The following SH3RF1 variants were observed in gnomAD, a reference collection of about 807,000 sequenced individuals.
SH3RF1 encodes E3 ubiquitin-protein ligase SH3RF1.
In SH3RF1, 32 loss-of-function variants were observed where a neutral mutation model predicts 74.0. That is an observed-to-expected ratio of 0.43 (90% CI 0.33 to 0.58). The LOEUF (loss-of-function observed/expected upper bound fraction) is 0.58, where lower values mean the gene tolerates loss of function less well. Ranked by LOEUF, SH3RF1 falls within the 20% of genes least tolerant of loss-of-function variation. The pLI is 0.05. For missense variants in SH3RF1, 954 were observed against 1,130.9 expected, an observed-to-expected ratio of 0.84 and a Z score of 2.24; for synonymous variants, 396 against 439.6, an observed-to-expected ratio of 0.90 and a Z score of 1.24.
At chr4:169,155,352 A>G (rs1249391709) in intron 4 of SH3RF1, 128 bp downstream of exon 4, 9 of 666,508 alleles carry the variant, frequency 1.4e-5, no homozygotes, top group Non-Finnish European at 2.4e-5. Context: ...TGATCTGTCC[A>G]GTGATCTGTA....
intron 9 of SH3RF1, 47 bp from the exon 10 acceptor site, chr4:169,116,677 G>T: frequency 6.7e-7 from 1 of 1,499,562 alleles, no homozygotes; most frequent in South Asian, 1.4e-5. Flanking sequence ...CTATCTAATA[G>T]ATGCTGCTCA....
At chr4:169,246,077 C>T (rs1730990552) in intron 2 of SH3RF1, among the ~76,000 whole-genome samples, 1 of 152,168 alleles carries the variant, frequency 6.6e-6, no homozygotes, top group African/African-American at 2.4e-5. Flanking sequence ...TACAGAAGCC[C>T]AGATGATACT....
intron 11 of SH3RF1, among the ~76,000 whole-genome samples, chr4:169,106,619 T>A (rs1733143312): frequency 6.6e-6 from 1 of 150,606 alleles, no homozygotes; most frequent in African/African-American, 2.5e-5. Flanking sequence ...GTAGAGAAAA[T>A]AAAGGAAAAG....
chr4:169,148,271 C>T (rs2126960804), intron 4 of SH3RF1, among the ~76,000 whole-genome samples: 1 of 152,278 alleles, frequency 6.6e-6, no homozygotes, highest in East Asian at 1.9e-4. Flanking sequence ...AGAGTGGAGG[C>T]CACGATTCCT....
At chr4:169,215,775 T>C (rs1455385449) in intron 2 of SH3RF1, among the ~76,000 whole-genome samples, 1 of 152,104 alleles carries the variant, frequency 6.6e-6, no homozygotes, top group African/African-American at 2.4e-5. Context: ...ATGTATTTTT[T>C]GTTTTTTTTT....
At chr4:169,269,386 A>G (rs1731408322) in intron 1 of SH3RF1, 79 bp from the exon 2 acceptor site, 2 of 650,412 alleles carry the variant, frequency 3.1e-6, no homozygotes, top group Admixed American at 6.9e-5. Flanking sequence ...GCCAAGAATC[A>G]AAAAGTACCC....
At chr4:169,132,980 A>C (rs1733643435) in intron 5 of SH3RF1, among the ~76,000 whole-genome samples, 1 of 152,206 alleles carries the variant, frequency 6.6e-6, no homozygotes, top group Non-Finnish European at 1.5e-5. Context: ...TTGAAAGTTC[A>C]GCCATCACTC....
intron 2 of SH3RF1, among the ~76,000 whole-genome samples, chr4:169,254,522 G>A (rs568945978): frequency 2.0e-5 from 3 of 152,252 alleles, no homozygotes; most frequent in Admixed American, 6.5e-5. Flanking sequence ...GCCAATTGCT[G>A]ACACTATCGT....
At chr4:169,140,374 C>T (rs1733764725) in intron 4 of SH3RF1, among the ~76,000 whole-genome samples, 1 of 152,138 alleles carries the variant, frequency 6.6e-6, no homozygotes, top group African/African-American at 2.4e-5. Flanking sequence ...TCATCACCTG[C>T]AAAATAAATT....
At chr4:169,106,786 G>T in intron 11 of SH3RF1, 61 bp downstream of exon 11, 1 of 1,305,012 alleles carries the variant, frequency 7.7e-7, no homozygotes, top group Non-Finnish European at 1.1e-6. Flanking sequence ...TCACAATAAT[G>T]TTCCAGCCTA....
intron 2 of SH3RF1, among the ~76,000 whole-genome samples, chr4:169,234,721 A>AT (rs1428367421): frequency 6.6e-6 from 1 of 152,160 alleles, no homozygotes; most frequent in Non-Finnish European, 1.5e-5. Flanking sequence ...ATCAACCTGT[A>AT]TTTTTTTGTA....
intron 4 of SH3RF1, among the ~76,000 whole-genome samples, chr4:169,153,866 G>A (rs1734011150): frequency 6.6e-6 from 1 of 152,188 alleles, no homozygotes; most frequent in Non-Finnish European, 1.5e-5. Context: ...TTAAGTCAGA[G>A]TAAATAATCC....
At chr4:169,126,453 A>G (rs1733526762) in intron 6 of SH3RF1, among the ~76,000 whole-genome samples, 1 of 152,138 alleles carries the variant, frequency 6.6e-6, no homozygotes, top group African/African-American at 2.4e-5. Context: ...TCTACTTCCA[A>G]TTCCCTGAAC....
chr4:169,122,263 A>C lies in SH3RF1; in HGVS notation c.1183T>G (p.Leu395Val). The C allele has an allele frequency of 6.3e-7, 1 of 1,586,410 alleles. No individual in the cohort carries two copies. The highest frequency in any genetic ancestry group is 8.6e-7 in the Non-Finnish European group (1 of 1,165,064). The part of the protein sequence containing the change: ...DVPYQAALGT[L>V]NPPLPPPPLL... ...GGGGGTGGTGGAAGAGGAGGATTCA[A>C]AGTCTAGTATAGGAAAAACATAAAG... Residue 395 changes from leucine (L) to valine (V), a missense_variant, in exon 7 of 12, where the codon TTG (leucine) becomes GTG (valine). Leu to Val is a conservative substitution (Grantham distance 32). Transcript: ENST00000284637.
intron 10 of SH3RF1, among the ~76,000 whole-genome samples, chr4:169,113,531 C>T (rs1268412217): frequency 3.9e-5 from 6 of 152,294 alleles, no homozygotes; most frequent in Middle Eastern, 3.4e-3. Context: ...AGGAGACACT[C>T]GCTAACAATA....
At chr4:169,240,370 T>C (rs1025529428) in intron 2 of SH3RF1, among the ~76,000 whole-genome samples, 2 of 151,834 alleles carry the variant, frequency 1.3e-5, no homozygotes, top group African/African-American at 4.8e-5. Context: ...CTGATTTTTT[T>C]AATTTTTTGC....
intron 2 of SH3RF1, among the ~76,000 whole-genome samples, chr4:169,184,555 C>G (rs2126981006): frequency 6.6e-6 from 1 of 152,232 alleles, no homozygotes; most frequent in South Asian, 2.1e-4. Flanking sequence ...TAATAGTATT[C>G]TGAAGAGAGC....
intron 2 of SH3RF1, among the ~76,000 whole-genome samples, chr4:169,167,826 G>A (rs1182683845): frequency 2.6e-5 from 4 of 151,786 alleles, no homozygotes; most frequent in Non-Finnish European, 5.9e-5. Flanking sequence ...CTACTAGATC[G>A]TACACTTAAG....
chr4:169,267,598 C>T (rs1468783679), intron 2 of SH3RF1, among the ~76,000 whole-genome samples: 3 of 152,146 alleles, frequency 2.0e-5, no homozygotes, highest in African/African-American at 7.2e-5. Flanking sequence ...CAAAAGAAAC[C>T]TGACAGCCTT....
Sources: gnomAD v4.1 joint callset for allele counts (sites outside exome capture counted in the v4.1 genomes callset) on GRCh38, gnomAD v4.1.1 for gene constraint, MANE v1.5 for transcripts, NCBI Gene and HGNC (gene_info 2026-07-23, HGNC 2026-07-21) for gene names.